The following DCC variants were observed in gnomAD, a reference collection of about 807,000 sequenced individuals.
DCC encodes the protein DCC netrin 1 receptor, also known as netrin receptor DCC.
A neutral mutation model predicts 172.5 loss-of-function variants in DCC; 58 were observed. The observed-to-expected ratio is 0.34, with a 90% CI of 0.27 to 0.42. The LOEUF (loss-of-function observed/expected upper bound fraction) is 0.42, where lower values mean the gene tolerates loss of function less well. Ranked by LOEUF, DCC falls within the 10% of genes least tolerant of loss-of-function variation. DCC has a pLI of 1.00. For synonymous variants in DCC, 709 were observed against 644.5 expected, an observed-to-expected ratio of 1.10 and a Z score of -1.52; for missense variants, 1,740 against 1,791.0, an observed-to-expected ratio of 0.97 and a Z score of 0.51.
chr18:53,256,410 C>T (rs1169987981), intron 12 of DCC, among the ~76,000 whole-genome samples: 1 of 152,078 alleles, frequency 6.6e-6, no homozygotes, highest in African/African-American at 2.4e-5. Flanking sequence ...GGAAGGGATC[C>T]AGTTTCAGCT....
chr18:53,209,043 C>T (rs371776667), intron 11 of DCC, among the ~76,000 whole-genome samples: 20 of 152,292 alleles, frequency 1.3e-4, no homozygotes, highest in African/African-American at 4.6e-4. Flanking sequence ...AAGGGATTTT[C>T]CTGCCGAAGC....
intron 25 of DCC, among the ~76,000 whole-genome samples, chr18:53,475,095 T>C (rs1320319585): frequency 6.6e-6 from 1 of 152,176 alleles, no homozygotes; most frequent in Non-Finnish European, 1.5e-5. Flanking sequence ...AGAGATGATT[T>C]AGAGTATCTG....
intron 2 of DCC, among the ~76,000 whole-genome samples, chr18:52,840,895 G>A (rs143296754): frequency 3.2e-4 from 49 of 152,186 alleles, no homozygotes; most frequent in African/African-American, 1.1e-3. Flanking sequence ...CATATTCTCA[G>A]GAAGGAGAAA....
At chr18:52,776,738 T>A (rs1416725152) in intron 2 of DCC, among the ~76,000 whole-genome samples, 2 of 152,204 alleles carry the variant, frequency 1.3e-5, no homozygotes, top group Non-Finnish European at 2.9e-5. Context: ...ATACTCAGTC[T>A]CCCTGTGACT....
intron 2 of DCC, among the ~76,000 whole-genome samples, chr18:52,810,505 A>G (rs1389510945): frequency 1.3e-5 from 2 of 152,172 alleles, no homozygotes; most frequent in Middle Eastern, 3.2e-3. Flanking sequence ...GCAAAGAAGA[A>G]TTTTAGTGCA....
chr18:53,051,349 C>T (rs546233323), intron 5 of DCC, among the ~76,000 whole-genome samples: 2 of 152,224 alleles, frequency 1.3e-5, no homozygotes, highest in Admixed American at 1.3e-4. Context: ...CATTTGCCCA[C>T]CTTTGGATCT....
At chr18:53,240,553 C>A (rs1391430704) in intron 12 of DCC, among the ~76,000 whole-genome samples, 1 of 152,082 alleles carries the variant, frequency 6.6e-6, no homozygotes, top group Non-Finnish European at 1.5e-5. Context: ...CATAAAAGGT[C>A]TTGGTGTCAG....
chr18:52,695,693 G>A (rs2036000837), intron 1 of DCC, among the ~76,000 whole-genome samples: 1 of 152,156 alleles, frequency 6.6e-6, no homozygotes, highest in African/African-American at 2.4e-5. Flanking sequence ...ATGGATAACT[G>A]GGGAGTATTT....
chr18:52,763,471 T>C (rs979988169), intron 2 of DCC, among the ~76,000 whole-genome samples: 3 of 152,234 alleles, frequency 2.0e-5, no homozygotes, highest in African/African-American at 4.8e-5. Flanking sequence ...TGAGCCAACC[T>C]TGTGGCTATT....
chr18:53,505,368 T>A (rs1446219420), intron 27 of DCC: 1 of 152,162 alleles, frequency 6.6e-6, no homozygotes, highest in Non-Finnish European at 1.5e-5. Flanking sequence ...AAGAAGTATA[T>A]AAGAGTTTAA....
At chr18:52,682,998 G>T (rs1178307161) in intron 1 of DCC, among the ~76,000 whole-genome samples, 6 of 152,156 alleles carry the variant, frequency 3.9e-5, no homozygotes, top group African/African-American at 1.4e-4. Context: ...ACCATTGAGG[G>T]TATTACTGCA....
intron 2 of DCC, among the ~76,000 whole-genome samples, chr18:52,804,599 G>A (rs1158032034): frequency 1.3e-5 from 2 of 152,138 alleles, no homozygotes; most frequent in African/African-American, 2.4e-5. Flanking sequence ...ACGGAGTCTT[G>A]CTCTGTCACC....
At chr18:53,460,287 T>G (rs8098962) in intron 24 of DCC, among the ~76,000 whole-genome samples, 8,177 of 127,650 alleles carry the variant, frequency 0.064, 351 homozygotes, top group African/African-American at 0.12. Context: ...TTTTTTTTTT[T>G]TTTTTTTTTT....
intron 21 of DCC, 70 bp downstream of exon 21, chr18:53,416,226 C>G (rs1427432951): frequency 1.9e-6 from 2 of 1,060,158 alleles, no homozygotes; most frequent in Non-Finnish European, 2.9e-6. Flanking sequence ...TCAGTCATTA[C>G]TTTATATTCC....
intron 2 of DCC, among the ~76,000 whole-genome samples, chr18:52,872,413 G>A (rs958632897): frequency 3.8e-5 from 4 of 105,212 alleles, no homozygotes; most frequent in Admixed American, 1.1e-4. Flanking sequence ...AAGCCTCAGC[G>A]AAAGCCCAGC....
In DCC at chr18:53,435,214, G is replaced by C; in HGVS notation, c.3229+5G>C. On this transcript the variant is annotated splice_donor_5th_base_variant and intron_variant, in intron 22 of 28. Transcript: ENST00000442544. ...TTGATAGAAGCACCCTAAATGGTAAGTATATAAATTAGGTAATATTGAATT... is the reference window on the plus strand; with the variant it reads ...TTGATAGAAGCACCCTAAATGGTAACTATATAAATTAGGTAATATTGAATT... 1 of 1,549,548 alleles carries C rather than the reference G, an allele frequency of 6.5e-7. No individual in the cohort carries two copies. The highest frequency in any genetic ancestry group is 8.9e-7 in the Non-Finnish European group (1 of 1,121,584).
intron 5 of DCC, among the ~76,000 whole-genome samples, chr18:52,934,132 A>C (rs541718973): frequency 6.6e-6 from 1 of 152,238 alleles, no homozygotes; most frequent in African/African-American, 2.4e-5. Flanking sequence ...TATCTATAAA[A>C]TGTACATAAC....
intron 1 of DCC, among the ~76,000 whole-genome samples, chr18:52,651,603 C>T (rs1325622700): frequency 6.6e-6 from 1 of 150,704 alleles, no homozygotes; most frequent in Admixed American, 6.6e-5. Context: ...TGTAATATTG[C>T]ATCATATTAT....
chr18:52,483,807 T>A (rs538603058), intron 1 of DCC, among the ~76,000 whole-genome samples: 56 of 152,224 alleles, frequency 3.7e-4, no homozygotes, highest in Non-Finnish European at 7.1e-4. Flanking sequence ...TCTCTGTTGT[T>A]CTGATCTCTC....
Sources: gnomAD v4.1 joint callset for allele counts (sites outside exome capture counted in the v4.1 genomes callset) on GRCh38, gnomAD v4.1.1 for gene constraint, MANE v1.5 for transcripts, NCBI Gene and HGNC (gene_info 2026-07-23, HGNC 2026-07-21) for gene names.